The following LRRTM3 variants were observed in gnomAD, a reference collection of about 807,000 sequenced individuals.
The protein encoded by LRRTM3 is leucine rich repeat transmembrane neuronal 3.
A neutral mutation model predicts 44.7 loss-of-function variants in LRRTM3; 24 were observed. That is an observed-to-expected ratio of 0.54 (90% CI 0.39 to 0.76). LRRTM3 has a LOEUF of 0.76. LRRTM3 is among the 30% of genes least tolerant of loss of function. The pLI is 0.00. For missense variants in LRRTM3, 587 were observed against 702.2 expected, an observed-to-expected ratio of 0.84 and a Z score of 1.85; for synonymous variants, 277 against 278.7, an observed-to-expected ratio of 0.99 and a Z score of 0.06.
intron 2 of LRRTM3, among the ~76,000 whole-genome samples, chr10:66,945,784 G>T (rs369583716): frequency 6.6e-6 from 1 of 152,092 alleles, no homozygotes. Context: ...CCACTGTAGG[G>T]TTATTAATGG....
In LRRTM3 at chr10:66,946,067, AC is replaced by A. The variant is rs1387199328; in HGVS notation, c.1536+17616del. On this transcript the variant is annotated intron_variant, in intron 2 of 2. Coordinates refer to ENST00000361320, the MANE Select transcript of LRRTM3 (RefSeq NM_178011.5). The stretch of plus-strand genomic sequence containing the variant: ...TGTAACACAGAGACATGAAATGAGC[AC>A]ATGCTGTTGAAAAACAGAGCTCATA... Among the ~76,000 whole-genome samples the A allele has an allele frequency of 2.0e-5, 3 of 152,212 alleles. No homozygotes were observed. In the East Asian group the frequency reaches 5.8e-4, roughly 29 times the overall value.
At chr10:66,949,015 A>G (rs536517641) in intron 2 of LRRTM3, among the ~76,000 whole-genome samples, 87 of 152,198 alleles carry the variant, frequency 5.7e-4, no homozygotes, top group African/African-American at 2.1e-3. Context: ...TGATTAGGAG[A>G]CTCTGGAAAA....
intron 2 of LRRTM3, among the ~76,000 whole-genome samples, chr10:66,955,873 G>C (rs1848762843): frequency 6.6e-6 from 1 of 152,118 alleles, no homozygotes; most frequent in Non-Finnish European, 1.5e-5. Flanking sequence ...TCATCACCAA[G>C]ATCTGACTGG....
At chr10:67,090,206 C>T (rs148740641) in intron 2 of LRRTM3, among the ~76,000 whole-genome samples, 2,585 of 152,168 alleles carry the variant, frequency 0.017, 30 homozygotes, top group Middle Eastern at 0.031. Flanking sequence ...CGAGATTGGA[C>T]TCTTCTTTCT....
At position 67,044,550 on chromosome 10, in the gene LRRTM3, G is replaced by C. The variant is rs138994588; in HGVS notation, c.1537-53037G>C. On this transcript the variant is annotated intron_variant, in intron 2 of 2. Coordinates refer to ENST00000361320, the MANE Select transcript of LRRTM3 (RefSeq NM_178011.5). ...GATTCCCCATTGAGCTAATCTCTGT[G>C]AGTGCTCATTATAAGAAGTGATAGC... 4.6e-5 allele frequency among the ~76,000 whole-genome samples: 7 copies of C among 152,216 alleles called. No individual in the cohort carries two copies. In the East Asian group the frequency reaches 1.4e-3, roughly 29 times the overall value.
At chr10:67,023,146 T>C (rs1386383083) in intron 2 of LRRTM3, among the ~76,000 whole-genome samples, 1 of 152,154 alleles carries the variant, frequency 6.6e-6, no homozygotes, top group Non-Finnish European at 1.5e-5. Context: ...AAGTAGATTC[T>C]AATATTTATG....
chr10:66,937,890 GT>G (rs531520277), intron 2 of LRRTM3, among the ~76,000 whole-genome samples: 15 of 151,560 alleles, frequency 9.9e-5, no homozygotes, highest in South Asian at 2.1e-4. Flanking sequence ...CCTCTTTTCT[GT>G]TTTTTTTCCC....
chr10:67,089,498 C>A (rs1404671224), intron 2 of LRRTM3, among the ~76,000 whole-genome samples: 1 of 151,780 alleles, frequency 6.6e-6, no homozygotes, highest in Non-Finnish European at 1.5e-5. Context: ...GCTCTTCGAA[C>A]AAATAAATCA....
At chr10:67,005,527 T>C (rs1228917486) in intron 2 of LRRTM3, among the ~76,000 whole-genome samples, 1 of 151,988 alleles carries the variant, frequency 6.6e-6, no homozygotes, top group East Asian at 1.9e-4. Flanking sequence ...GACTTCCCAG[T>C]GTTATTGCTG....
intron 2 of LRRTM3, among the ~76,000 whole-genome samples, chr10:66,955,932 T>C (rs1367519325): frequency 6.6e-6 from 1 of 152,138 alleles, no homozygotes; most frequent in Admixed American, 6.6e-5. Context: ...GGAAATTTGC[T>C]TAGGCAAAAT....
chr10:67,082,459 C>T (rs1271972589), intron 2 of LRRTM3, among the ~76,000 whole-genome samples: 1 of 152,064 alleles, frequency 6.6e-6, no homozygotes, highest in South Asian at 2.1e-4. Flanking sequence ...AAACCCTAAA[C>T]CCCCAAGCAG....
intron 2 of LRRTM3, among the ~76,000 whole-genome samples, chr10:67,056,341 A>G (rs1006517359): frequency 6.6e-6 from 1 of 152,162 alleles, no homozygotes; most frequent in Admixed American, 6.6e-5. Context: ...AGTTACTTCT[A>G]TGCATAATTG....
chr10:66,961,626 A>G (rs542925080), intron 2 of LRRTM3, among the ~76,000 whole-genome samples: 1 of 152,224 alleles, frequency 6.6e-6, no homozygotes, highest in East Asian at 1.9e-4. Flanking sequence ...ACTGATATAG[A>G]CAAATCAAGA....
At chr10:67,095,721 T>C (rs1396211457) in intron 2 of LRRTM3, among the ~76,000 whole-genome samples, 4 of 151,810 alleles carry the variant, frequency 2.6e-5, no homozygotes, top group Non-Finnish European at 5.9e-5. Context: ...TAAGGACAAG[T>C]ATATAAAATC....
chr10:67,025,902 T>TA (rs34764428), intron 2 of LRRTM3, among the ~76,000 whole-genome samples: 34,481 of 145,438 alleles, frequency 0.24, 4,517 homozygotes, highest in Middle Eastern at 0.41. Context: ...ATGTGGCACA[T>TA]ATACACCATG....
Position 66,928,223 on chromosome 10 carries a change from T to G in LRRTM3, c.1307T>G (p.Leu436Arg). The G allele has an allele frequency of 6.2e-7, 1 of 1,614,146 alleles. No individual in the cohort carries two copies. The highest frequency in any genetic ancestry group is 2.2e-5 in the East Asian group (1 of 44,858). The change falls in exon 2 of 3, where the codon CTG becomes CGG. Residue 436 changes from leucine (L) to arginine (R), a missense_variant. Leu to Arg is a moderately radical substitution (Grantham distance 102). Coordinates refer to ENST00000361320, the MANE Select transcript of LRRTM3 (RefSeq NM_178011.5). ...TTCCTGTCCGTGCTCGTCATCCTGCTGGTTATCTACGTGTCATGGAAGCGG... is the reference window on the plus strand; with the variant it reads ...TTCCTGTCCGTGCTCGTCATCCTGCGGGTTATCTACGTGTCATGGAAGCGG... ...ALFLSVLVIL[L>R]VIYVSWKRYP... is the part of the protein sequence containing the mutation.
At chr10:66,953,363 C>T (rs536054488) in intron 2 of LRRTM3, among the ~76,000 whole-genome samples, 11 of 152,206 alleles carry the variant, frequency 7.2e-5, no homozygotes, top group East Asian at 1.9e-4. Context: ...TGCTCACTGC[C>T]GGTTGTCTGA....
At chr10:66,985,847 C>A (rs191203804) in intron 2 of LRRTM3, among the ~76,000 whole-genome samples, 5 of 152,190 alleles carry the variant, frequency 3.3e-5, no homozygotes, top group Non-Finnish European at 7.4e-5. Context: ...CATGCCTCAG[C>A]CTCCCAAGTA....
intron 2 of LRRTM3, among the ~76,000 whole-genome samples, chr10:67,007,796 T>G (rs1365118212): frequency 6.6e-6 from 1 of 151,994 alleles, no homozygotes; most frequent in Non-Finnish European, 1.5e-5. Flanking sequence ...AATTGTCAAG[T>G]AACTCAAAAG....
Sources: allele counts gnomAD v4.1 joint callset (sites outside exome capture counted in the v4.1 genomes callset), GRCh38; gene constraint gnomAD v4.1.1; transcripts MANE v1.5; gene names NCBI Gene and HGNC (gene_info 2026-07-23, HGNC 2026-07-21).